Variants in ZNF316 observed in about 807,000 individuals in gnomAD.
ZNF316 encodes the protein zinc finger protein 316.
ZNF316 carries 23 observed loss-of-function variants against 75.6 expected under a neutral mutation model. That is an observed-to-expected ratio of 0.30 (90% CI 0.22 to 0.43). The LOEUF (loss-of-function observed/expected upper bound fraction) is 0.43, where lower values mean the gene tolerates loss of function less well. Ranked by LOEUF, ZNF316 falls within the 20% of genes least tolerant of loss-of-function variation. The pLI, the probability that ZNF316 is intolerant of heterozygous loss-of-function variation, is 1.00. For missense variants in ZNF316, 1,266 were observed against 1,409.4 expected (o/e 0.90, Z 1.63); for synonymous variants, 827 against 666.2 (o/e 1.24, Z -3.72).
Position 6,654,578 on chromosome 7 carries a change from G to A in ZNF316, c.2982G>A (p.Gly994=). Residue 994 remains glycine (G), a synonymous_variant, in exon 9 of 9, where the codon GGG becomes GGA. Coordinates refer to ENST00000382252, the MANE Select transcript of ZNF316 (RefSeq NM_001278559.2). ...FGSEHQAAFA[G]PSGAYREGVL The stretch of plus-strand genomic sequence containing the variant: ...CCGAGCACCAGGCCGCGTTCGCCGG[G>A]CCCTCGGGCGCCTACCGGGAGGGCG... 8.4e-7 allele frequency: 1 copy of A among 1,187,660 alleles called. No homozygotes were observed. Among genetic ancestry groups the A allele is most frequent in the Non-Finnish European group, 1.0e-6 (1 of 959,668 alleles). The allele number at this position is 1,187,660 out of a possible 1,614,324, so 73.6% of individuals were successfully genotyped here.
At position 6,644,538 on chromosome 7, in the gene ZNF316, G is replaced by A; in HGVS notation, c.651G>A (p.Trp217Ter). The A allele has an allele frequency of 8.1e-7, 1 of 1,232,282 alleles. No individual in the cohort carries two copies. Among genetic ancestry groups the A allele is most frequent in the Non-Finnish European group, 1.0e-6 (1 of 988,020 alleles). 76.3% of individuals were successfully genotyped at this position (1,232,282 alleles called of 1,614,324 possible). A position where few individuals can be genotyped will look rare whatever the true frequency, so the allele number is the denominator to read the frequency against. ...GGCTGGAACAAGGGGAAGAACCTTG[G>A]GTCCCAGATAGTCCCCGACCTGAGG... The part of the protein sequence containing the change: ...IFRLEQGEEP[W>*]VPDSPRPEEG... The change falls in exon 8 of 9, where the codon TGG (tryptophan) becomes TGA (stop). Residue 217 changes from tryptophan (W) to a stop codon, truncating the protein, a stop_gained. Transcript: ENST00000382252. LOFTEE classifies it high-confidence loss of function.
rs1157977941 is a variant in ZNF316, at chr7:6,654,677, C to G, written c.*66C>G. On this transcript the variant is annotated 3_prime_UTR_variant, in exon 9 of 9. Coordinates refer to ENST00000382252, the MANE Select transcript of ZNF316 (RefSeq NM_001278559.2). The stretch of plus-strand genomic sequence containing the variant: ...GGCCCCTCCCTTGGACGGCCGGCCC[C>G]CCGCTCCTCGGGCCCCGGGAGGCTG... 8.8e-7 allele frequency: 1 copy of G among 1,138,508 alleles called. No homozygotes were observed. The highest frequency in any genetic ancestry group is 1.1e-6 in the Non-Finnish European group (1 of 925,644). 70.5% of individuals were successfully genotyped at this position (1,138,508 alleles called of 1,614,324 possible).
Position 6,647,532 on chromosome 7 carries a change from G to A in ZNF316, c.706+2939G>A, listed in dbSNP as rs28672377. 1.7e-3 allele frequency among the ~76,000 whole-genome samples: 262 copies of A among 152,348 alleles called. 6 individuals are homozygous for A. The East Asian group carries it at 0.048, about 28-fold the overall frequency. On this transcript the variant is annotated intron_variant, in intron 8 of 8. Coordinates refer to ENST00000382252, the MANE Select transcript of ZNF316 (RefSeq NM_001278559.2). ...CTGAATGGAGAAAGTTGCACTGGCC[G>A]GGTGAGGGGAGGGAGCAGGTGTTGG...
In ZNF316 at chr7:6,642,897, G is replaced by T; in HGVS notation, c.356-67G>T. ...AACCCAGCTTTGCAATGAGGGTGTT[G>T]CCAGGGCTCCTGGCCCTGCAGGCTG... On this transcript the variant is annotated intron_variant, in intron 5 of 8. Transcript: ENST00000382252. The surrounding 1 kb of genome is among the most constrained non-coding windows in gnomAD (Gnocchi z 8.1). The T allele has an allele frequency of 8.1e-7, 1 of 1,232,410 alleles. No individual in the cohort carries two copies. Among genetic ancestry groups the T allele is most frequent in the Non-Finnish European group, 1.0e-6 (1 of 988,224 alleles). 76.3% of individuals were successfully genotyped at this position (1,232,410 alleles called of 1,614,324 possible).
Position 6,654,027 on chromosome 7 carries a change from C to T in ZNF316, c.2431C>T (p.Arg811Cys). The T allele has an allele frequency of 8.4e-7, 1 of 1,194,536 alleles. No homozygotes were observed. Among genetic ancestry groups the T allele is most frequent in the Non-Finnish European group, 1.0e-6 (1 of 964,306 alleles). The allele number at this position is 1,194,536 out of a possible 1,614,324, so 74.0% of individuals were successfully genotyped here. A position where few individuals can be genotyped will look rare whatever the true frequency, so the allele number is the denominator to read the frequency against. Residue 811 changes from arginine (R) to cysteine (C), a missense_variant, in exon 9 of 9, where the codon CGC (arginine) becomes TGC (cysteine). Arg to Cys is a radical substitution (Grantham distance 180). Coordinates refer to ENST00000382252, the MANE Select transcript of ZNF316 (RefSeq NM_001278559.2). ...RPYACGECGRRFGQSAALTRH... is the reference protein window; with the variant it reads ...RPYACGECGRCFGQSAALTRH... The stretch of plus-strand genomic sequence containing the variant: ...TTACGCGTGTGGAGAGTGCGGCCGG[C>T]GCTTCGGGCAGAGCGCGGCGCTGAC...
At position 6,637,549 on chromosome 7, in the gene ZNF316, C is replaced by A. The variant is rs1583437390; in HGVS notation, c.-431+102C>A. On this transcript the variant is annotated intron_variant, in intron 1 of 8. Transcript: ENST00000382252. The surrounding 1 kb of genome is among the most constrained non-coding windows in gnomAD (Gnocchi z 6.2). ...GGCGGCGGCGGCGGGGCCGGGCTGG[C>A]CCTCGACGCCCGGCGCGGGGAGGCC... is the stretch of plus-strand genomic sequence containing the variant. The A allele has an allele frequency of 1.4e-5, 2 of 147,056 alleles. No homozygotes were observed. Among genetic ancestry groups the A allele is most frequent in the Non-Finnish European group, 3.0e-5 (2 of 65,862 alleles). 9.1% of individuals were successfully genotyped at this position (147,056 alleles called of 1,614,324 possible). A position where few individuals can be genotyped will look rare whatever the true frequency, so the allele number is the denominator to read the frequency against.
chr7:6,654,425 G>A lies in ZNF316; in HGVS notation c.2829G>A (p.Ala943=), dbSNP rs1246546478. The change falls in exon 9 of 9, where the codon GCG becomes GCA. Residue 943 remains alanine (A), a synonymous_variant. Transcript: ENST00000382252. Reference sequence around the variant, plus strand: ...AGACGCACCGCGGAGCCACCGCAGCGCCGGGCTCGGGTTCGGCCCCAGCCC... The same window carrying A: ...AGACGCACCGCGGAGCCACCGCAGCACCGGGCTCGGGTTCGGCCCCAGCCC... ...HMKTHRGATA[A]PGSGSAPAPA... is the part of the protein sequence containing the mutation. 1 of 1,208,984 alleles carries A rather than the reference G, an allele frequency of 8.3e-7. No homozygotes were observed. Among genetic ancestry groups the A allele is most frequent in the Non-Finnish European group, 1.0e-6 (1 of 973,596 alleles). 74.9% of individuals were successfully genotyped at this position (1,208,984 alleles called of 1,614,324 possible).
At position 6,642,192 on chromosome 7, in the gene ZNF316, C is replaced by T; in HGVS notation, c.-28-190C>T. 1 of 392,248 alleles carries T rather than the reference C, an allele frequency of 2.5e-6. No homozygotes were observed. Among genetic ancestry groups the T allele is most frequent in the Non-Finnish European group, 4.5e-6 (1 of 222,768 alleles). 24.3% of individuals were successfully genotyped at this position (392,248 alleles called of 1,614,324 possible). On this transcript the variant is annotated intron_variant, in intron 4 of 8. Coordinates refer to ENST00000382252, the MANE Select transcript of ZNF316 (RefSeq NM_001278559.2). The surrounding 1 kb of genome is among the most constrained non-coding windows in gnomAD (Gnocchi z 8.1). ...GCCATTGGGGCAGCCTTTCTGGGTA[C>T]AGAATGTCTTGATGGTGCAGGGTAA... is the stretch of plus-strand genomic sequence containing the variant.
In ZNF316 at chr7:6,654,230, G is replaced by C; in HGVS notation, c.2634G>C (p.Arg878=). 1.6e-6 allele frequency: 2 copies of C among 1,223,092 alleles called. No homozygotes were observed. The highest frequency in any genetic ancestry group is 2.0e-6 in the Non-Finnish European group (2 of 981,810). The allele number at this position is 1,223,092 out of a possible 1,614,324, so 75.8% of individuals were successfully genotyped here. A position where few individuals can be genotyped will look rare whatever the true frequency, so the allele number is the denominator to read the frequency against. The change falls in exon 9 of 9, where the codon CGG becomes CGC. Residue 878 remains arginine, a synonymous_variant. Coordinates refer to ENST00000382252, the MANE Select transcript of ZNF316 (RefSeq NM_001278559.2). The stretch of plus-strand genomic sequence containing the variant: ...AGCGCTCCAACCTGGCCAAGCACCG[G>C]CGCGGCCACACGGGCGAACGCCCCT... ...FAQRSNLAKH[R]RGHTGERPFP... is the part of the protein sequence containing the mutation.
At position 6,652,956 on chromosome 7, in the gene ZNF316, G is replaced by A; in HGVS notation, c.1360G>A (p.Glu454Lys). 1 of 1,243,164 alleles carries A rather than the reference G, an allele frequency of 8.0e-7. No homozygotes were observed. The allele number at this position is 1,243,164 out of a possible 1,614,324, so 77.0% of individuals were successfully genotyped here. The change falls in exon 9 of 9, where the codon GAG (glutamate) becomes AAG (lysine). Residue 454 changes from glutamate (E) to lysine (K), a missense_variant. Physicochemically the swap from Glu to Lys is moderately conservative, Grantham distance 56. Around this residue, in one of 3 missense-constraint regions of ZNF316, gnomAD observed 961 missense variants for 990.9 expected, o/e 0.97. Transcript: ENST00000382252. ...CACGCACCAGCGCACGCACACCGGCGAGCGACCCTACCCGTGTTCGCACTG... is the reference window on the plus strand; with the variant it reads ...CACGCACCAGCGCACGCACACCGGCAAGCGACCCTACCCGTGTTCGCACTG... Reference protein sequence around the residue: ...LVTHQRTHTGERPYPCSHCGR... With the variant: ...LVTHQRTHTGKRPYPCSHCGR...
Position 6,652,832 on chromosome 7 carries a change from C to T in ZNF316, c.1236C>T (p.Tyr412=), listed in dbSNP as rs912040268. Reference sequence around the variant, plus strand: ...CGGACTGCGGCAAGCGCTTCGTCTACAAGTCGCACCTGGTTACGCACCGAC... The same window carrying T: ...CGGACTGCGGCAAGCGCTTCGTCTATAAGTCGCACCTGGTTACGCACCGAC... ...PCPDCGKRFV[Y]KSHLVTHRRI... The change falls in exon 9 of 9, where the codon TAC becomes TAT. Residue 412 remains tyrosine (Y), a synonymous_variant. Coordinates refer to ENST00000382252, the MANE Select transcript of ZNF316 (RefSeq NM_001278559.2). 4.8e-5 allele frequency: 60 copies of T among 1,255,600 alleles called. No individual in the cohort carries two copies. The highest frequency in any genetic ancestry group is 5.2e-5 in the Non-Finnish European group (52 of 999,922). The allele number at this position is 1,255,600 out of a possible 1,614,324, so 77.8% of individuals were successfully genotyped here. A position where few individuals can be genotyped will look rare whatever the true frequency, so the allele number is the denominator to read the frequency against.
chr7:6,651,694 T>A (rs907422764), intron 8 of ZNF316, among the ~76,000 whole-genome samples: 1 of 151,634 alleles, frequency 6.6e-6, no homozygotes, highest in South Asian at 2.1e-4. Context: ...ACCCACGAGG[T>A]GGAGGTTGCA....
Position 6,644,503 on chromosome 7 carries a change from C to T in ZNF316, c.616C>T (p.Leu206=). ...AGGATACCCAATTCCCAAGCCCGAT[C>T]TGATCTTCCGGCTGGAACAAGGGGA... ...SLGYPIPKPD[L]IFRLEQGEEP... The change falls in exon 8 of 9, where the codon CTG becomes TTG. Residue 206 remains leucine, a synonymous_variant. Transcript: ENST00000382252. The T allele has an allele frequency of 8.1e-7, 1 of 1,232,306 alleles. No individual in the cohort carries two copies. The highest frequency in any genetic ancestry group is 1.5e-5 in the African/African-American group (1 of 64,552). The allele number at this position is 1,232,306 out of a possible 1,614,324, so 76.3% of individuals were successfully genotyped here.
At position 6,658,127 on chromosome 7, in the gene ZNF316, T is replaced by C. The variant is rs1367863940; in HGVS notation, c.*3516T>C. On this transcript the variant is annotated 3_prime_UTR_variant, in exon 9 of 9. Coordinates refer to ENST00000382252, the MANE Select transcript of ZNF316 (RefSeq NM_001278559.2). ...TGCCGGTTTCCCCAACCTCCTTCCT[T>C]TTCTGATTCATTCCTTTTATCCTGA... Among the ~76,000 whole-genome samples, 8 of 152,140 alleles carry C rather than the reference T, an allele frequency of 5.3e-5. No homozygotes were observed. In the East Asian group the frequency reaches 1.5e-3, roughly 29 times the overall value.
In ZNF316 at chr7:6,641,427, A is replaced by G. The variant is rs192401039; in HGVS notation, c.-166-398A>G. 1.3e-3 allele frequency among the ~76,000 whole-genome samples: 198 copies of G among 152,320 alleles called. 3 individuals are homozygous for G. The highest frequency in any genetic ancestry group is 0.012 in the South Asian group (57 of 4,834). ...CCACAGAAATGGACTCATCAACGCT[A>G]TGACTCTGCCGTGCCCTTGGGACCC... On this transcript the variant is annotated intron_variant, in intron 3 of 8. Coordinates refer to ENST00000382252, the MANE Select transcript of ZNF316 (RefSeq NM_001278559.2).
At position 6,657,054 on chromosome 7, in the gene ZNF316, C is replaced by T. The variant is rs1562586994; in HGVS notation, c.*2443C>T. Among the ~76,000 whole-genome samples, 1 of 152,074 alleles carries T rather than the reference C, an allele frequency of 6.6e-6. No individual in the cohort carries two copies. The highest frequency in any genetic ancestry group is 2.4e-5 in the African/African-American group (1 of 41,394). ...TTCTTGCCCAGGCTGGAGTGCAGGG[C>T]GTGATCTCGGCTCACTGCAACCTCT... On this transcript the variant is annotated 3_prime_UTR_variant, in exon 9 of 9. Coordinates refer to ENST00000382252, the MANE Select transcript of ZNF316 (RefSeq NM_001278559.2).
Position 6,655,491 on chromosome 7 carries a change from G to GC in ZNF316, c.*883dup, listed in dbSNP as rs1779606563. On this transcript the variant is annotated 3_prime_UTR_variant, in exon 9 of 9. Coordinates refer to ENST00000382252, the MANE Select transcript of ZNF316 (RefSeq NM_001278559.2). ...GTGGCAAACTCAGACATCTACGGGCGCCCGAGGCCCTCGCAGCCCTGAGCC... is the reference window on the plus strand; with the variant it reads ...GTGGCAAACTCAGACATCTACGGGCGCCCCGAGGCCCTCGCAGCCCTGAGCC... 1 of 152,104 alleles carries GC rather than the reference G, an allele frequency of 6.6e-6. No individual in the cohort carries two copies. Among genetic ancestry groups the GC allele is most frequent in the Admixed American group, 6.6e-5 (1 of 15,256 alleles). 9.4% of individuals were successfully genotyped at this position (152,104 alleles called of 1,614,324 possible).
chr7:6,656,757 G>A lies in ZNF316; in HGVS notation c.*2146G>A, dbSNP rs533106248. 6.6e-6 allele frequency among the ~76,000 whole-genome samples: 1 copy of A among 152,252 alleles called. No homozygotes were observed. The highest frequency in any genetic ancestry group is 1.5e-5 in the Non-Finnish European group (1 of 68,018). ...TGAGGGGCCAGGTACCCTTCGTGGT[G>A]GTCCAAACACATCCCCAGCCCTTTC... On this transcript the variant is annotated 3_prime_UTR_variant, in exon 9 of 9. Coordinates refer to ENST00000382252, the MANE Select transcript of ZNF316 (RefSeq NM_001278559.2).
At position 6,643,844 on chromosome 7, in the gene ZNF316, T is replaced by G; in HGVS notation, c.488T>G (p.Val163Gly). The G allele has an allele frequency of 1.6e-6, 2 of 1,238,084 alleles. No homozygotes were observed. The highest frequency in any genetic ancestry group is 2.0e-6 in the Non-Finnish European group (2 of 991,744). The allele number at this position is 1,238,084 out of a possible 1,614,324, so 76.7% of individuals were successfully genotyped here. ...GCQELVTFED[V>G]AVYFSLEEWE... The stretch of plus-strand genomic sequence containing the variant: ...CAGGAGCTGGTGACGTTTGAAGATG[T>G]GGCTGTGTACTTCTCCCTGGAGGAG... Residue 163 changes from valine (V) to glycine (G), a missense_variant, in exon 7 of 9, where the codon GTG becomes GGG. This residue lies in a region of ZNF316 where 961 missense variants were observed against 990.9 expected (regional missense o/e 0.97). Coordinates refer to ENST00000382252, the MANE Select transcript of ZNF316 (RefSeq NM_001278559.2).
Sources: allele counts gnomAD v4.1 joint callset (sites outside exome capture counted in the v4.1 genomes callset), GRCh38; gene constraint gnomAD v4.1.1; regional missense constraint gnomAD v4.1.1; non-coding constraint Gnocchi (gnomAD v3.1); transcripts MANE v1.5; gene names NCBI Gene and HGNC (gene_info 2026-07-23, HGNC 2026-07-21).